ADAMTS3: variants seen among roughly 807,000 people sequenced by gnomAD.
The protein encoded by ADAMTS3 is A disintegrin and metalloproteinase with thrombospondin motifs 3.
Under a neutral mutation model 129.0 loss-of-function variants are expected in ADAMTS3, and 73 were observed. The ratio of observed to expected loss-of-function variants is 0.57; its 90% CI spans 0.47 to 0.69. The LOEUF is 0.69. Among genes scored for constraint, ADAMTS3 ranks in the 30% least tolerant of loss-of-function variants. The pLI is 0.00. For missense variants in ADAMTS3, 1,457 were observed against 1,514.5 expected, an observed-to-expected ratio of 0.96 and a Z score of 0.63; for synonymous variants, 477 against 510.8, an observed-to-expected ratio of 0.93 and a Z score of 0.89.
At chr4:72,341,041 T>C (rs1178544195) in intron 4 of ADAMTS3, among the ~76,000 whole-genome samples, 1 of 152,202 alleles carries the variant, frequency 6.6e-6, no homozygotes, top group Non-Finnish European at 1.5e-5. Context: ...AGTCAGCATC[T>C]GACATTAATA....
intron 3 of ADAMTS3, among the ~76,000 whole-genome samples, chr4:72,459,965 A>G (rs1031728909): frequency 2.6e-5 from 4 of 151,648 alleles, no homozygotes; most frequent in African/African-American, 4.8e-5. Flanking sequence ...GACTCATCAC[A>G]TAAGTTCAGG....
chr4:72,319,321 A>C lies in ADAMTS3; in HGVS notation c.1352+11T>G. 6.2e-7 allele frequency: 1 copy of C among 1,613,744 alleles called. No individual in the cohort carries two copies. Among genetic ancestry groups the C allele is most frequent in the Non-Finnish European group, 8.5e-7 (1 of 1,179,854 alleles). On this transcript the variant is annotated intron_variant, in intron 9 of 21. Coordinates refer to ENST00000286657, the MANE Select transcript of ADAMTS3 (RefSeq NM_014243.3). The stretch of plus-strand genomic sequence containing the variant: ...AATAAATACTTTCATGACATGCAGC[A>C]GGGGACATACTGGATATATCTTTTC...
chr4:72,499,425 A>G (rs1719951743), intron 3 of ADAMTS3, among the ~76,000 whole-genome samples: 2 of 152,166 alleles, frequency 1.3e-5, no homozygotes, highest in South Asian at 4.1e-4. Context: ...GGACAAGATT[A>G]TTTATACAAG....
intron 3 of ADAMTS3, among the ~76,000 whole-genome samples, chr4:72,462,172 G>A (rs899975039): frequency 2.6e-5 from 4 of 151,910 alleles, no homozygotes; most frequent in African/African-American, 9.7e-5. Context: ...GTGACTGGGT[G>A]AGGGCTTGGT....
intron 3 of ADAMTS3, among the ~76,000 whole-genome samples, chr4:72,508,555 T>C (rs1560542658): frequency 6.6e-6 from 1 of 152,078 alleles, no homozygotes; most frequent in Non-Finnish European, 1.5e-5. Flanking sequence ...AGAATTTGAA[T>C]TTTCGAAGGA....
intron 3 of ADAMTS3, among the ~76,000 whole-genome samples, chr4:72,483,114 CT>C (rs1272403139): frequency 6.6e-6 from 1 of 151,610 alleles, no homozygotes; most frequent in Non-Finnish European, 1.5e-5. Context: ...CTACTCTCAT[CT>C]TTTTTTTCAA....
intron 5 of ADAMTS3, among the ~76,000 whole-genome samples, chr4:72,339,114 C>T (rs1720062271): frequency 6.6e-6 from 1 of 152,102 alleles, no homozygotes; most frequent in Admixed American, 6.6e-5. Flanking sequence ...CAGAGTGATT[C>T]TAGAAAGAAC....
chr4:72,337,843 T>C (rs879937277), intron 5 of ADAMTS3, among the ~76,000 whole-genome samples: 11 of 152,158 alleles, frequency 7.2e-5, no homozygotes, highest in Non-Finnish European at 1.6e-4. Context: ...CTAATAGTTA[T>C]AAGTTCTACG....
In ADAMTS3 at chr4:72,282,981, A is replaced by G. The variant is rs1718390737; in HGVS notation, c.*155T>C. On this transcript the variant is annotated 3_prime_UTR_variant, in exon 22 of 22. Transcript: ENST00000286657. ...GCAGAACAAAAGGAGGATGAAAGCA[A>G]CTAGAAAGTGAGCCAGCACTTTCTG... 1.6e-6 allele frequency: 1 copy of G among 613,964 alleles called. No individual in the cohort carries two copies. The highest frequency in any genetic ancestry group is 1.8e-5 in the African/African-American group (1 of 54,072). The allele number at this position is 613,964 out of a possible 1,614,324, so 38.0% of individuals were successfully genotyped here. A position where few individuals can be genotyped will look rare whatever the true frequency, so the allele number is the denominator to read the frequency against.
At chr4:72,309,332 G>A in intron 15 of ADAMTS3, 65 bp downstream of exon 15, 1 of 1,533,312 alleles carries the variant, frequency 6.5e-7, no homozygotes, top group Non-Finnish European at 9.0e-7. Flanking sequence ...ATTTCTAAAG[G>A]AAGAAGCCTC....
intron 3 of ADAMTS3, among the ~76,000 whole-genome samples, chr4:72,491,369 T>G (rs1275746499): frequency 6.6e-6 from 1 of 151,838 alleles, no homozygotes; most frequent in Non-Finnish European, 1.5e-5. Context: ...CATCTTTGTA[T>G]TGTTCAGTAT....
chr4:72,463,318 A>C (rs1339446950), intron 3 of ADAMTS3, among the ~76,000 whole-genome samples: 3 of 152,072 alleles, frequency 2.0e-5, no homozygotes, highest in African/African-American at 7.2e-5. Context: ...TATCCTCCAC[A>C]TTAAGCAAGG....
chr4:72,457,460 A>AT (rs532347000), intron 3 of ADAMTS3, among the ~76,000 whole-genome samples: 11 of 151,816 alleles, frequency 7.2e-5, no homozygotes, highest in African/African-American at 2.7e-4. Context: ...AACTAGTTAC[A>AT]TTTTTAGATG....
chr4:72,375,901 G>A (rs1250349658), intron 4 of ADAMTS3, among the ~76,000 whole-genome samples: 1 of 152,016 alleles, frequency 6.6e-6, no homozygotes, highest in East Asian at 1.9e-4. Flanking sequence ...CTATAATCAG[G>A]GCATTATGTG....
intron 3 of ADAMTS3, among the ~76,000 whole-genome samples, chr4:72,476,719 C>A (rs1485701076): frequency 3.9e-5 from 6 of 151,950 alleles, no homozygotes; most frequent in African/African-American, 1.4e-4. Context: ...ATCAACATTC[C>A]TCATAAATAT....
At position 72,347,879 on chromosome 4, in the gene ADAMTS3, A is replaced by C. The variant is rs112176066; in HGVS notation, c.662-8186T>G. Among the ~76,000 whole-genome samples the C allele has an allele frequency of 1.9e-3, 287 of 152,050 alleles. 4 individuals are homozygous for C. The highest frequency in any genetic ancestry group is 6.5e-3 in the African/African-American group (270 of 41,494). On this transcript the variant is annotated intron_variant, in intron 4 of 21. Transcript: ENST00000286657. ...GAAGAGAGGTGAGATTCCTTTTCAC[A>C]GCTGCCGTTTCAAAGCTCATGTTAC...
chr4:72,298,167 T>C, intron 18 of ADAMTS3, 110 bp downstream of exon 18: 1 of 790,458 alleles, frequency 1.3e-6, no homozygotes, highest in Non-Finnish European at 2.0e-6. Flanking sequence ...GATGGTTATG[T>C]TTGGTGTTTC....
intron 3 of ADAMTS3, among the ~76,000 whole-genome samples, chr4:72,460,533 A>T (rs1718738627): frequency 6.6e-6 from 1 of 151,488 alleles, no homozygotes; most frequent in Admixed American, 6.6e-5. Context: ...TCCTTGAAAA[A>T]ATTAATAAAA....
chr4:72,504,339 G>A (rs1720101803), intron 3 of ADAMTS3, among the ~76,000 whole-genome samples: 1 of 152,056 alleles, frequency 6.6e-6, no homozygotes, highest in Non-Finnish European at 1.5e-5. Flanking sequence ...GCTTAGTTTG[G>A]TGAAATATGA....
Sources: allele counts gnomAD v4.1 joint callset (sites outside exome capture counted in the v4.1 genomes callset), GRCh38; gene constraint gnomAD v4.1.1; transcripts MANE v1.5; gene names NCBI Gene and HGNC (gene_info 2026-07-23, HGNC 2026-07-21).